The following ZGPAT variants were observed in gnomAD, a reference collection of about 807,000 sequenced individuals.
ZGPAT encodes zinc finger CCCH-type and G-patch domain containing.
Under a neutral mutation model 47.9 loss-of-function variants are expected in ZGPAT, and 39 were observed. That is an observed-to-expected ratio of 0.81 (90% CI 0.63 to 1.06). The LOEUF is 1.06. Among genes scored for constraint, ZGPAT ranks in the 50% least tolerant of loss-of-function variants. The pLI is 0.00. For synonymous variants in ZGPAT, 348 were observed against 292.9 expected, an observed-to-expected ratio of 1.19 and a Z score of -1.92; for missense variants, 717 against 681.4, an observed-to-expected ratio of 1.05 and a Z score of -0.58.
rs1568780570 is a variant in ZGPAT at position 63,708,762 on chromosome 20, G to A, written c.182G>A (p.Ser61Asn). The A allele has an allele frequency of 6.2e-7, 1 of 1,611,598 alleles. No individual in the cohort carries two copies. Among genetic ancestry groups the A allele is most frequent in the Admixed American group, 1.7e-5 (1 of 59,988 alleles). Residue 61 changes from serine (S) to asparagine (N), a missense_variant, in exon 2 of 7, where the codon AGC becomes AAC. Coordinates refer to ENST00000355969, the MANE Select transcript of ZGPAT (RefSeq NM_181485.3). ...AGCCTGGTGTCTGTCAGGAAGAGCA[G>A]CTTGTTGGCCGCGCTGGACGAAGAG... Reference protein sequence around the residue: ...EASLVSVRKSSLLAALDEERP... With the variant: ...EASLVSVRKSNLLAALDEERP...
At chr20:63,721,925 A>T (rs1375918846) in intron 2 of ZGPAT, among the ~76,000 whole-genome samples, 1 of 151,406 alleles carries the variant, frequency 6.6e-6, no homozygotes, top group Non-Finnish European at 1.5e-5. Context: ...AAGCAGGAGA[A>T]TTGCTTGAGC....
intron 2 of ZGPAT, among the ~76,000 whole-genome samples, chr20:63,732,344 A>AG (rs1568799415): frequency 4.5e-5 from 6 of 133,776 alleles, no homozygotes; most frequent in Admixed American, 7.3e-5. Context: ...TGTGTGGGTG[A>AG]GGTGTGTGTG....
At chr20:63,721,896 T>G (rs1301412528) in intron 2 of ZGPAT, among the ~76,000 whole-genome samples, 5 of 151,386 alleles carry the variant, frequency 3.3e-5, no homozygotes, top group Non-Finnish European at 7.4e-5. Flanking sequence ...GCCTGTAATC[T>G]CAGCTACTCG....
At chr20:63,732,457 T>TAGAGA (rs1355535277) in intron 2 of ZGPAT, among the ~76,000 whole-genome samples, 1 of 56,980 alleles carries the variant, frequency 1.8e-5, no homozygotes. Context: ...GTAAGGGTGC[T>TAGAGA]TGTGTGCGCA....
At position 63,733,370 on chromosome 20, in the gene ZGPAT, G is replaced by C; in HGVS notation, c.718+18G>C. On this transcript the variant is annotated intron_variant, in intron 3 of 6. Coordinates refer to ENST00000355969, the MANE Select transcript of ZGPAT (RefSeq NM_181485.3). ...CATCACCGGTGAGGCTGGCCGTGGG[G>C]GCCTCCCGGGAACACCCTCCCAGGC... The C allele has an allele frequency of 6.2e-7, 1 of 1,606,834 alleles. No individual in the cohort carries two copies. Among genetic ancestry groups the C allele is most frequent in the Non-Finnish European group, 8.5e-7 (1 of 1,177,828 alleles).
At chr20:63,725,430 A>G (rs1439494482) in intron 2 of ZGPAT, among the ~76,000 whole-genome samples, 1 of 152,260 alleles carries the variant, frequency 6.6e-6, no homozygotes, top group African/African-American at 2.4e-5. Flanking sequence ...AAGTGTCATC[A>G]TGCTACCTTC....
At chr20:63,735,073 C>T in intron 5 of ZGPAT, 86 bp from the exon 6 acceptor site, 2 of 1,436,124 alleles carry the variant, frequency 1.4e-6, no homozygotes, top group Non-Finnish European at 1.8e-6. Flanking sequence ...TTCCCGGGGT[C>T]CCGTGGCCAC....
intron 6 of ZGPAT, 90 bp from the exon 7 acceptor site, chr20:63,735,691 C>T (rs1000543965): frequency 2.9e-5 from 45 of 1,530,314 alleles, no homozygotes; most frequent in African/African-American, 2.5e-4. Flanking sequence ...TGTTGGAGGA[C>T]GGGCAGCGGG....
intron 2 of ZGPAT, among the ~76,000 whole-genome samples, chr20:63,731,915 T>C (rs2145692177): frequency 6.6e-6 from 1 of 152,364 alleles, no homozygotes; most frequent in African/African-American, 2.4e-5. Flanking sequence ...TGATTTAAAG[T>C]ACGTGGGAAG....
At chr20:63,716,306 A>G (rs909915932) in intron 2 of ZGPAT, among the ~76,000 whole-genome samples, 3 of 152,188 alleles carry the variant, frequency 2.0e-5, no homozygotes, top group African/African-American at 7.2e-5. Flanking sequence ...CTGGGACTAC[A>G]GACATAAGCC....
At chr20:63,716,357 A>G (rs1254963027) in intron 2 of ZGPAT, among the ~76,000 whole-genome samples, 1 of 152,074 alleles carries the variant, frequency 6.6e-6, no homozygotes, top group Non-Finnish European at 1.5e-5. Flanking sequence ...GTTTGCATGC[A>G]TGTTTCTAGG....
At chr20:63,710,581 TTAA>T (rs2091655550) in intron 2 of ZGPAT, among the ~76,000 whole-genome samples, 1 of 152,264 alleles carries the variant, frequency 6.6e-6, no homozygotes, top group South Asian at 2.1e-4. Context: ...TCGTCATTTA[TTAA>T]TATTTTCCCA....
rs1434828726 is a variant in ZGPAT at position 63,732,772 on chromosome 20, A to ATG, written c.585-446_585-445dup. ...TGTGTATGCCTGTGTACGTATGTATATGCGTGTGTGTATGCATGTGAGTGC... is the reference window on the plus strand; with the variant it reads ...TGTGTATGCCTGTGTACGTATGTATATGTGCGTGTGTGTATGCATGTGAGTGC... On this transcript the variant is annotated intron_variant, in intron 2 of 6. Transcript: ENST00000355969. Among the ~76,000 whole-genome samples, 173 of 150,398 alleles carry ATG rather than the reference A, an allele frequency of 1.2e-3. 2 individuals are homozygous for ATG. The highest frequency in any genetic ancestry group is 4.0e-3 in the African/African-American group (162 of 40,658).
rs142241981 is a variant in ZGPAT, at chr20:63,733,284, C to T, written c.650C>T (p.Ser217Phe). 7 of 1,613,618 alleles carry T rather than the reference C, an allele frequency of 4.3e-6. No individual in the cohort carries two copies. Among genetic ancestry groups the T allele is most frequent in the Non-Finnish European group, 5.9e-6 (7 of 1,179,978 alleles). Residue 217 changes from serine to phenylalanine, a missense_variant, in exon 3 of 7, where the codon TCC becomes TTC. By Grantham distance (155) the Ser-to-Phe change is radical. Coordinates refer to ENST00000355969, the MANE Select transcript of ZGPAT (RefSeq NM_181485.3). ...LRPFQDPDLS[S>F]LQAGSACLAK... is the part of the protein sequence containing the mutation. ...CCCTTCCAGGACCCAGACCTGAGCT[C>T]CCTGCAGGCCGGCTCTGCGTGTCTG...
chr20:63,730,519 C>T (rs2091886719), intron 2 of ZGPAT: 1 of 152,320 alleles, frequency 6.6e-6, no homozygotes, highest in Admixed American at 6.5e-5. Flanking sequence ...CAGTCTCACT[C>T]TGTCTTCCAG....
At chr20:63,717,554 C>T (rs958013296) in intron 2 of ZGPAT, among the ~76,000 whole-genome samples, 2 of 141,796 alleles carry the variant, frequency 1.4e-5, no homozygotes, top group Non-Finnish European at 3.2e-5. Context: ...GCTTTCACTG[C>T]ATTCCATAAG....
intron 2 of ZGPAT, among the ~76,000 whole-genome samples, chr20:63,715,250 T>C (rs1478789451): frequency 6.6e-6 from 1 of 150,404 alleles, no homozygotes; most frequent in Non-Finnish European, 1.5e-5. Context: ...TTTTCTTTTT[T>C]TTTTTTTTTG....
At chr20:63,732,419 G>C (rs888234989) in intron 2 of ZGPAT, among the ~76,000 whole-genome samples, 7 of 131,384 alleles carry the variant, frequency 5.3e-5, no homozygotes, top group Admixed American at 1.5e-4. Flanking sequence ...CGTGTGTGTG[G>C]GTGAGAGATG....
At position 63,708,670 on chromosome 20, in the gene ZGPAT, G is replaced by C; in HGVS notation, c.90G>C (p.Ser30=). 6.2e-7 allele frequency: 1 copy of C among 1,612,694 alleles called. No homozygotes were observed. Among genetic ancestry groups the C allele is most frequent in the Non-Finnish European group, 8.5e-7 (1 of 1,179,894 alleles). Residue 30 remains serine (S), a synonymous_variant, in exon 2 of 7, where the codon TCG becomes TCC. Transcript: ENST00000355969. ...VELALGAGLD[S]SEQADLRQLQ... ...TGGCCTTGGGCGCCGGCCTGGATTC[G>C]TCTGAGCAGGCTGACCTGCGCCAGC...
Sources: gnomAD v4.1 joint callset for allele counts (sites outside exome capture counted in the v4.1 genomes callset) on GRCh38, gnomAD v4.1.1 for gene constraint, MANE v1.5 for transcripts, NCBI Gene and HGNC (gene_info 2026-07-23, HGNC 2026-07-21) for gene names.